C4orf33: variants seen among roughly 807,000 people sequenced by gnomAD.
C4orf33 encodes the protein chromosome 4 open reading frame 33.
In C4orf33, 20 loss-of-function variants were observed where a neutral mutation model predicts 24.3. The observed-to-expected ratio is 0.82, with a 90% CI of 0.58 to 1.19. C4orf33 has a LOEUF of 1.19. Among genes scored for constraint, C4orf33 ranks in the 50% most tolerant of loss-of-function variants. The pLI, the probability that C4orf33 is intolerant of heterozygous loss-of-function variation, is 0.00. For synonymous variants in C4orf33, 67 were observed against 76.4 expected, an observed-to-expected ratio of 0.88 and a Z score of 0.64; for missense variants, 207 against 225.9, an observed-to-expected ratio of 0.92 and a Z score of 0.54.
In C4orf33 at chr4:129,113,268, A is replaced by G. The variant is rs1401435194; in HGVS notation, c.*1477A>G. 4 of 152,202 alleles carry G rather than the reference A, an allele frequency of 2.6e-5. No homozygotes were observed. The highest frequency in any genetic ancestry group is 9.6e-5 in the African/African-American group (4 of 41,466). The allele number at this position is 152,202 out of a possible 1,614,324, so 9.4% of individuals were successfully genotyped here. ...AAATTTGTTTAGATGTTTTTTAAAC[A>G]TCTCTTAACTTTCTTTCATCTAGAT... On this transcript the variant is annotated 3_prime_UTR_variant, in exon 6 of 6. Coordinates refer to ENST00000425929, the MANE Select transcript of C4orf33 (RefSeq NM_001099783.2).
In C4orf33 at chr4:129,109,608, C is replaced by T. The variant is rs10009430; in HGVS notation, c.430C>T (p.Arg144Ter). 3.1e-3 allele frequency: 4,926 copies of T among 1,613,920 alleles called. 129 individuals carry two copies. In the African/African-American group the frequency reaches 0.056, roughly 18 times the overall value. The change falls in exon 5 of 6, where the codon CGA (arginine) becomes TGA (stop). Residue 144 changes from arginine (R) to a stop codon, truncating the protein, a stop_gained. Transcript: ENST00000425929. LOFTEE classifies it high-confidence loss of function. ...TGCAATTCATGGATCAAAAGATAAA[C>T]GAAGTTATGAAGCTCTTTACCCTGT... ...SFAIHGSKDK[R>*]SYEALYPVPQ...
rs1157232863 is a variant in C4orf33 at position 129,115,972 on chromosome 4, G to C, written c.*4181G>C. 6.6e-6 allele frequency: 1 copy of C among 150,690 alleles called. No homozygotes were observed. The highest frequency in any genetic ancestry group is 1.9e-4 in the East Asian group (1 of 5,162). The allele number at this position is 150,690 out of a possible 1,614,324, so 9.3% of individuals were successfully genotyped here. Reference sequence around the variant, plus strand: ...ATAATTTCTTATCTTAATTTGCTCTGAAAGAGCAAAACTTATAAAATTGAC... The same window carrying C: ...ATAATTTCTTATCTTAATTTGCTCTCAAAGAGCAAAACTTATAAAATTGAC... On this transcript the variant is annotated 3_prime_UTR_variant, in exon 6 of 6. Transcript: ENST00000425929.
intron 3 of C4orf33, among the ~76,000 whole-genome samples, chr4:129,107,875 T>G (rs1753564524): frequency 1.3e-5 from 2 of 152,094 alleles, no homozygotes; most frequent in Non-Finnish European, 2.9e-5. Context: ...TAAAGTGATG[T>G]CAACACTAGA....
At position 129,111,809 on chromosome 4, in the gene C4orf33, A is replaced by G. The variant is rs371051553; in HGVS notation, c.*18A>G. 6 of 1,439,706 alleles carry G rather than the reference A, an allele frequency of 4.2e-6. No individual in the cohort carries two copies. In the South Asian group the frequency reaches 7.3e-5, roughly 17 times the overall value. The allele number at this position is 1,439,706 out of a possible 1,614,324, so 89.2% of individuals were successfully genotyped here. ...ATATATAGGAGTAATAGATAACCATACCGATCATTTTTTCCTCTATACCTT... is the reference window on the plus strand; with the variant it reads ...ATATATAGGAGTAATAGATAACCATGCCGATCATTTTTTCCTCTATACCTT... On this transcript the variant is annotated 3_prime_UTR_variant, in exon 6 of 6. Transcript: ENST00000425929.
rs896655573 is a variant in C4orf33, at chr4:129,114,917, T to C, written c.*3126T>C. The C allele has an allele frequency of 3.9e-5, 6 of 152,204 alleles. No individual in the cohort carries two copies. The highest frequency in any genetic ancestry group is 7.3e-5 in the Non-Finnish European group (5 of 68,068). 9.4% of individuals were successfully genotyped at this position (152,204 alleles called of 1,614,324 possible). A position where few individuals can be genotyped will look rare whatever the true frequency, so the allele number is the denominator to read the frequency against. ...GGTGTTTCAATGTCAAGTGGTAATC[T>C]TAAATGGGCAACTGTAGCAACCACA... On this transcript the variant is annotated 3_prime_UTR_variant, in exon 6 of 6. Transcript: ENST00000425929.
At chr4:129,096,854 G>C (rs1318431748) in intron 1 of C4orf33, among the ~76,000 whole-genome samples, 2 of 152,028 alleles carry the variant, frequency 1.3e-5, no homozygotes, top group Non-Finnish European at 2.9e-5. Flanking sequence ...TAATATAAAG[G>C]GGAGAAGAGG....
At chr4:129,098,327 TC>T (rs928421506) in intron 1 of C4orf33, among the ~76,000 whole-genome samples, 2 of 152,060 alleles carry the variant, frequency 1.3e-5, no homozygotes, top group African/African-American at 4.8e-5. Flanking sequence ...CTTTCTTCCC[TC>T]CCCCCTCTAG....
At chr4:129,102,549 A>G (rs1753387037) in intron 1 of C4orf33, 53 bp from the exon 2 acceptor site, 1 of 1,358,288 alleles carries the variant, frequency 7.4e-7, no homozygotes, top group Admixed American at 2.3e-5. Context: ...TTTCCAACTA[A>G]AGAAAACATT....
At chr4:129,109,449 G>A in intron 4 of C4orf33, 24 bp from the exon 5 acceptor site, 1 of 1,607,190 alleles carries the variant, frequency 6.2e-7, no homozygotes. Flanking sequence ...TTTATCTTTT[G>A]TGTTTCACAT....
intron 3 of C4orf33, 73 bp downstream of exon 3, chr4:129,106,720 T>C: frequency 4.0e-6 from 3 of 753,200 alleles, no homozygotes; most frequent in Non-Finnish European, 6.4e-6. Flanking sequence ...ATAAATGATA[T>C]AGTAAAAGCT....
rs1753770999 is a variant in C4orf33, at chr4:129,115,882, G to A, written c.*4091G>A. 6.9e-6 allele frequency: 1 copy of A among 144,206 alleles called. No homozygotes were observed. Among genetic ancestry groups the A allele is most frequent in the South Asian group, 2.2e-4 (1 of 4,538 alleles). The allele number at this position is 144,206 out of a possible 1,614,324, so 8.9% of individuals were successfully genotyped here. ...TATATATAGAGAGAGAGCATAAAAT[G>A]TGCTGTGTATGTGTGTAGCATATTT... On this transcript the variant is annotated 3_prime_UTR_variant, in exon 6 of 6. Transcript: ENST00000425929.
At chr4:129,106,804 G>T (rs1753533123) in intron 3 of C4orf33, among the ~76,000 whole-genome samples, 157 bp downstream of exon 3, 2 of 151,770 alleles carry the variant, frequency 1.3e-5, no homozygotes, top group East Asian at 3.9e-4. Flanking sequence ...TTAGTTTCAA[G>T]TACAGAGCAC....
Position 129,109,401 on chromosome 4 carries a change from T to G in C4orf33, c.294+43T>G, listed in dbSNP as rs778191552. 3 of 1,588,070 alleles carry G rather than the reference T, an allele frequency of 1.9e-6. No individual in the cohort carries two copies. In the East Asian group the frequency reaches 6.7e-5, roughly 35 times the overall value. On this transcript the variant is annotated intron_variant, in intron 4 of 5. Transcript: ENST00000425929. ...GGAGGCAAAATCATTACGTACACAG[T>G]AATACACATATTTCTATGTTTAAAG...
intron 3 of C4orf33, among the ~76,000 whole-genome samples, chr4:129,106,907 A>G (rs1044419004): frequency 1.3e-5 from 2 of 151,936 alleles, no homozygotes; most frequent in African/African-American, 4.8e-5. Flanking sequence ...GATTTTTGTA[A>G]TAAATTTCAA....
At chr4:129,101,237 A>G (rs537610992) in intron 1 of C4orf33, among the ~76,000 whole-genome samples, 3 of 152,334 alleles carry the variant, frequency 2.0e-5, no homozygotes, top group African/African-American at 7.2e-5. Flanking sequence ...CTTATGTTAC[A>G]CAGAGCTTGT....
rs1271045640 is a variant in C4orf33, at chr4:129,115,760, T to C, written c.*3969T>C. The C allele has an allele frequency of 6.7e-6, 1 of 148,882 alleles. No individual in the cohort carries two copies. Among genetic ancestry groups the C allele is most frequent in the Non-Finnish European group, 1.5e-5 (1 of 67,490 alleles). 9.2% of individuals were successfully genotyped at this position (148,882 alleles called of 1,614,324 possible). A position where few individuals can be genotyped will look rare whatever the true frequency, so the allele number is the denominator to read the frequency against. On this transcript the variant is annotated 3_prime_UTR_variant, in exon 6 of 6. Transcript: ENST00000425929. ...GAAGGGGTATCCAGCCTAAGGCACC[T>C]AAGTCCAAGAGGAATATGTGCCTAA...
upstream of C4orf33, among the ~76,000 whole-genome samples, chr4:129,094,914 A>T (rs1753140798): frequency 6.6e-6 from 1 of 152,108 alleles, no homozygotes; most frequent in South Asian, 2.1e-4. Flanking sequence ...AACCTTGTAT[A>T]TTGTCGTATT....
At chr4:129,103,122 C>A (rs961266868) in intron 2 of C4orf33, 10 of 161,432 alleles carry the variant, frequency 6.2e-5, no homozygotes, top group Non-Finnish European at 1.2e-4. Flanking sequence ...TGGGTTCATG[C>A]CATTATCCTG....
chr4:129,107,819 G>A (rs945238320), intron 3 of C4orf33, among the ~76,000 whole-genome samples: 4 of 151,826 alleles, frequency 2.6e-5, no homozygotes, highest in African/African-American at 9.7e-5. Flanking sequence ...CTAAAATTTT[G>A]CCCTTAGTTT....
Sources: allele counts gnomAD v4.1 joint callset (sites outside exome capture counted in the v4.1 genomes callset), GRCh38; gene constraint gnomAD v4.1.1; transcripts MANE v1.5; gene names NCBI Gene and HGNC (gene_info 2026-07-23, HGNC 2026-07-21).